DCC: variants seen among roughly 807,000 people sequenced by gnomAD.
DCC encodes DCC netrin 1 receptor.
Under a neutral mutation model 172.5 loss-of-function variants are expected in DCC, and 58 were observed. The ratio of observed to expected loss-of-function variants is 0.34; its 90% CI spans 0.27 to 0.42. DCC has a LOEUF of 0.42. Among genes scored for constraint, DCC ranks in the 10% least tolerant of loss-of-function variants. DCC has a pLI of 1.00. For synonymous variants in DCC, 709 were observed against 644.5 expected, an observed-to-expected ratio of 1.10 and a Z score of -1.52; for missense variants, 1,740 against 1,791.0, an observed-to-expected ratio of 0.97 and a Z score of 0.51.
At chr18:52,974,969 T>G (rs1187042690) in intron 5 of DCC, among the ~76,000 whole-genome samples, 1 of 152,224 alleles carries the variant, frequency 6.6e-6, no homozygotes, top group Non-Finnish European at 1.5e-5. Flanking sequence ...AGGATTTCAT[T>G]TAACAGATTT....
intron 5 of DCC, among the ~76,000 whole-genome samples, chr18:52,974,815 G>A (rs2041090746): frequency 6.6e-6 from 1 of 152,174 alleles, no homozygotes; most frequent in African/African-American, 2.4e-5. Context: ...TGGGCATGAT[G>A]TCTTTAACTT....
At chr18:53,351,571 T>C (rs1488607154) in intron 15 of DCC, among the ~76,000 whole-genome samples, 1 of 147,134 alleles carries the variant, frequency 6.8e-6, no homozygotes, top group Non-Finnish European at 1.5e-5. Context: ...TCATTTTCCT[T>C]TTGTTAAAAT....
chr18:52,648,736 CT>C (rs769687758), intron 1 of DCC, among the ~76,000 whole-genome samples: 1 of 152,068 alleles, frequency 6.6e-6, no homozygotes, highest in African/African-American at 2.4e-5. Context: ...AAAAAATAAA[CT>C]TGAAAATTAC....
chr18:53,164,930 G>T (rs1054442750), intron 8 of DCC, among the ~76,000 whole-genome samples: 11 of 152,084 alleles, frequency 7.2e-5, no homozygotes, highest in African/African-American at 2.7e-4. Context: ...ATATTGCTAA[G>T]AAACCACACT....
chr18:53,039,190 A>C (rs1409041362), intron 5 of DCC, among the ~76,000 whole-genome samples: 1 of 152,010 alleles, frequency 6.6e-6, no homozygotes, highest in African/African-American at 2.4e-5. Flanking sequence ...CAAACCCTGC[A>C]TTCACACGTT....
At chr18:52,376,801 A>G (rs1475552954) in intron 1 of DCC, among the ~76,000 whole-genome samples, 1 of 152,196 alleles carries the variant, frequency 6.6e-6, no homozygotes, top group Non-Finnish European at 1.5e-5. Context: ...TGCTCAGTTA[A>G]TATTTATTAG....
intron 1 of DCC, among the ~76,000 whole-genome samples, chr18:52,359,138 A>G (rs1435032620): frequency 6.6e-6 from 1 of 152,172 alleles, no homozygotes. Context: ...CACCAATGGA[A>G]CTTCTTCCTT....
chr18:53,282,594 G>A (rs1407634622), intron 12 of DCC, among the ~76,000 whole-genome samples: 2 of 152,084 alleles, frequency 1.3e-5, no homozygotes, highest in African/African-American at 4.8e-5. Flanking sequence ...TTATACTGAA[G>A]CATTATAGGA....
Position 53,457,311 on chromosome 18 carries a change from C to T in DCC, c.3393-1921C>T, listed in dbSNP as rs147593891. Reference sequence around the variant, plus strand: ...TTGGTACTGAAGTCATGGAAACTAGCAAATAAATGAATAAGTGAAAAGGCA... The same window carrying T: ...TTGGTACTGAAGTCATGGAAACTAGTAAATAAATGAATAAGTGAAAAGGCA... On this transcript the variant is annotated intron_variant, in intron 23 of 28. Coordinates refer to ENST00000442544, the MANE Select transcript of DCC (RefSeq NM_005215.4). 3.9e-3 allele frequency among the ~76,000 whole-genome samples: 599 copies of T among 152,234 alleles called. 3 individuals carry two copies. The highest frequency in any genetic ancestry group is 0.014 in the African/African-American group (563 of 41,540).
chr18:52,646,338 C>T (rs2035018185), intron 1 of DCC, among the ~76,000 whole-genome samples: 1 of 152,222 alleles, frequency 6.6e-6, no homozygotes, highest in African/African-American at 2.4e-5. Context: ...CTACTCCCAA[C>T]ACAATGTGTG....
At chr18:52,978,966 G>A (rs899709421) in intron 5 of DCC, among the ~76,000 whole-genome samples, 15 of 152,268 alleles carry the variant, frequency 9.9e-5, no homozygotes, top group East Asian at 5.8e-4. Flanking sequence ...TCCATGGGTC[G>A]ATAGGCATTT....
chr18:53,137,383 C>T (rs1370702349), intron 7 of DCC, among the ~76,000 whole-genome samples: 1 of 152,190 alleles, frequency 6.6e-6, no homozygotes, highest in African/African-American at 2.4e-5. Context: ...TGACTATCCT[C>T]AGAACTTTGA....
chr18:52,348,885 C>G (rs941909875), intron 1 of DCC, among the ~76,000 whole-genome samples: 3 of 152,132 alleles, frequency 2.0e-5, no homozygotes, highest in African/African-American at 7.2e-5. Flanking sequence ...TGTTAGTATC[C>G]TGCCTTATCC....
chr18:52,540,933 C>T lies in DCC; in HGVS notation c.91+200055C>T, dbSNP rs140694594. ...AACTGCCTTTTATTAGAGGGAAATA[C>T]GTGTTCTGGGGCCTCAAACATGAGG... On this transcript the variant is annotated intron_variant, in intron 1 of 28. Transcript: ENST00000442544. 9.3e-4 allele frequency among the ~76,000 whole-genome samples: 141 copies of T among 152,138 alleles called. 2 individuals carry two copies. In the East Asian group the frequency reaches 0.015, roughly 16 times the overall value.
intron 2 of DCC, among the ~76,000 whole-genome samples, chr18:52,773,297 T>C (rs1347650736): frequency 2.0e-5 from 3 of 152,168 alleles, no homozygotes; most frequent in African/African-American, 4.8e-5. Flanking sequence ...GATGAACACA[T>C]TACAACAATT....
chr18:52,881,378 G>T (rs894840343), intron 2 of DCC, among the ~76,000 whole-genome samples: 14 of 152,030 alleles, frequency 9.2e-5, no homozygotes, highest in African/African-American at 3.1e-4. Flanking sequence ...ATCTAATTTT[G>T]CTTTGGTTGC....
intron 24 of DCC, 123 bp downstream of exon 24, chr18:53,459,581 A>T: frequency 1.4e-6 from 1 of 717,408 alleles, no homozygotes; most frequent in Non-Finnish European, 2.5e-6. Flanking sequence ...ATTTATCAAT[A>T]GTTAAATGGA....
At chr18:52,856,639 A>AAG (rs1555673742) in intron 2 of DCC, among the ~76,000 whole-genome samples, 15 of 150,358 alleles carry the variant, frequency 1.0e-4, no homozygotes, top group Non-Finnish European at 2.1e-4. Context: ...AAAAAAAAAA[A>AAG]AAAAGAAAAC....
intron 12 of DCC, among the ~76,000 whole-genome samples, chr18:53,250,096 A>T (rs1233203380): frequency 6.6e-6 from 1 of 151,930 alleles, no homozygotes; most frequent in African/African-American, 2.4e-5. Context: ...TCTTGATGCA[A>T]TTCTGCCCTT....
Sources: allele counts gnomAD v4.1 joint callset (sites outside exome capture counted in the v4.1 genomes callset), GRCh38; gene constraint gnomAD v4.1.1; transcripts MANE v1.5; gene names NCBI Gene and HGNC (gene_info 2026-07-23, HGNC 2026-07-21).